BRK1: variants seen among roughly 807,000 people sequenced by gnomAD.
BRK1 encodes BRICK1 subunit of SCAR/WAVE actin nucleating complex, also known as protein BRICK1.
A neutral mutation model predicts 9.9 loss-of-function variants in BRK1; 6 were observed. The ratio of observed to expected loss-of-function variants is 0.60; its 90% confidence interval spans 0.33 to 1.19. The LOEUF is 1.19. Among genes scored for constraint, BRK1 ranks in the 50% most tolerant of loss-of-function variants. The pLI is 0.04. For missense variants in BRK1, 62 were observed against 97.5 expected, an observed-to-expected ratio of 0.64 and a Z score of 1.53; for synonymous variants, 44 against 31.9, an observed-to-expected ratio of 1.38 and a Z score of -1.28.
intron 1 of BRK1, among the ~76,000 whole-genome samples, chr3:10,117,109 G>A (rs1294957365): frequency 6.6e-6 from 1 of 152,114 alleles, no homozygotes; most frequent in Non-Finnish European, 1.5e-5. Flanking sequence ...AATTAGTTGG[G>A]CATGGTCATG....
intron 1 of BRK1, among the ~76,000 whole-genome samples, chr3:10,118,418 C>G (rs1339440509): frequency 6.6e-6 from 1 of 152,034 alleles, no homozygotes; most frequent in Non-Finnish European, 1.5e-5. Flanking sequence ...TTTTCCCATC[C>G]TAAGCCATTA....
chr3:10,116,205 C>T (rs900683998), intron 1 of BRK1, among the ~76,000 whole-genome samples: 4 of 152,212 alleles, frequency 2.6e-5, no homozygotes, highest in African/African-American at 9.6e-5. Context: ...GACCGTGTCA[C>T]TCCTCTGTTT....
At chr3:10,121,646 A>T (rs1302127447) in intron 1 of BRK1, among the ~76,000 whole-genome samples, 1 of 152,166 alleles carries the variant, frequency 6.6e-6, no homozygotes, top group East Asian at 1.9e-4. Context: ...GGTGAAACAG[A>T]CATGTAAATA....
chr3:10,117,393 CTTTT>C (rs756307171), intron 1 of BRK1, among the ~76,000 whole-genome samples: 4 of 118,636 alleles, frequency 3.4e-5, no homozygotes, highest in Admixed American at 1.7e-4. Flanking sequence ...TCAACAAATT[CTTTT>C]TTTTTTTTTT....
intron 1 of BRK1, among the ~76,000 whole-genome samples, chr3:10,124,822 A>T (rs1359580242): frequency 6.6e-6 from 1 of 152,152 alleles, no homozygotes; most frequent in Non-Finnish European, 1.5e-5. Flanking sequence ...CAGCTTCTAA[A>T]GGTCACTTAC....
At chr3:10,124,497 G>A (rs1695809937) in intron 1 of BRK1, among the ~76,000 whole-genome samples, 2 of 151,742 alleles carry the variant, frequency 1.3e-5, no homozygotes, top group Admixed American at 6.6e-5. Flanking sequence ...CACACATTTT[G>A]TGGCTTAAAC....
intron 1 of BRK1, among the ~76,000 whole-genome samples, chr3:10,118,842 C>T (rs938178767): frequency 6.6e-6 from 1 of 152,058 alleles, no homozygotes; most frequent in Non-Finnish European, 1.5e-5. Context: ...CTCCTGCCTC[C>T]CCTTCCACCT....
chr3:10,119,972 A>T (rs1055607327), intron 1 of BRK1, among the ~76,000 whole-genome samples: 1 of 152,170 alleles, frequency 6.6e-6, no homozygotes, highest in Non-Finnish European at 1.5e-5. Flanking sequence ...CTCCTAAGAC[A>T]TTCAGAATTT....
intron 1 of BRK1, among the ~76,000 whole-genome samples, chr3:10,121,694 C>T (rs911753185): frequency 7.9e-5 from 12 of 151,818 alleles, no homozygotes; most frequent in Admixed American, 4.6e-4. Context: ...CATTTGGTTT[C>T]GTAACATGAA....
At chr3:10,121,730 C>T (rs1695757963) in intron 1 of BRK1, among the ~76,000 whole-genome samples, 1 of 142,442 alleles carries the variant, frequency 7.0e-6, no homozygotes, top group African/African-American at 3.0e-5. Flanking sequence ...TTAAATATTC[C>T]TCAAACTTTT....
chr3:10,117,497 G>T (rs886963377), intron 1 of BRK1, among the ~76,000 whole-genome samples: 1 of 146,746 alleles, frequency 6.8e-6, no homozygotes, highest in African/African-American at 2.5e-5. Flanking sequence ...GGATTCAAAT[G>T]ATTCTCATGC....
rs1369436205 is a variant in BRK1, at chr3:10,125,715, T to C, written c.201+7T>C. On this transcript the variant is annotated splice_region_variant and intron_variant, in intron 2 of 2. Transcript: ENST00000530758. ...AGAGTACATTGAAGCTCGGGTGAGTTTGATGGGCAAGGGCATTCCAGAGAG... is the reference window on the plus strand; with the variant it reads ...AGAGTACATTGAAGCTCGGGTGAGTCTGATGGGCAAGGGCATTCCAGAGAG... The C allele has an allele frequency of 2.5e-5, 40 of 1,601,760 alleles. No individual in the cohort carries two copies. The highest frequency in any genetic ancestry group is 3.3e-5 in the Non-Finnish European group (39 of 1,171,348).
intron 1 of BRK1, among the ~76,000 whole-genome samples, chr3:10,120,934 C>G (rs1301982945): frequency 2.0e-5 from 3 of 152,136 alleles, no homozygotes; most frequent in African/African-American, 7.2e-5. Flanking sequence ...AATATTCATG[C>G]TCTTACTCAG....
intron 1 of BRK1, among the ~76,000 whole-genome samples, chr3:10,124,608 T>C (rs75849393): frequency 0.025 from 3,860 of 152,302 alleles, 61 homozygotes; most frequent in Middle Eastern, 0.065. Flanking sequence ...CACCTTGGCC[T>C]TCTGAAGTAT....
chr3:10,122,146 A>G (rs1298724926), intron 1 of BRK1, among the ~76,000 whole-genome samples: 3 of 139,848 alleles, frequency 2.1e-5, no homozygotes, highest in South Asian at 2.3e-4. Context: ...TTTGTCTTGA[A>G]CTCCGACCTC....
intron 1 of BRK1, among the ~76,000 whole-genome samples, chr3:10,123,452 T>TTTTTTC (rs1695786236): frequency 6.6e-6 from 1 of 151,328 alleles, no homozygotes; most frequent in African/African-American, 2.4e-5. Context: ...TTTTTTTTTT[T>TTTTTTC]TGAGACGGAG....
At chr3:10,120,118 C>T (rs1002818711) in intron 1 of BRK1, among the ~76,000 whole-genome samples, 1 of 152,096 alleles carries the variant, frequency 6.6e-6, no homozygotes. Context: ...CAACCTCCGC[C>T]TCCCGGGTTC....
chr3:10,120,474 T>A (rs1308839399), intron 1 of BRK1, among the ~76,000 whole-genome samples: 1 of 152,128 alleles, frequency 6.6e-6, no homozygotes, highest in Non-Finnish European at 1.5e-5. Flanking sequence ...GGATTACAGG[T>A]GTGAACCACC....
chr3:10,117,893 G>A (rs865975670), intron 1 of BRK1, among the ~76,000 whole-genome samples: 18 of 152,174 alleles, frequency 1.2e-4, no homozygotes, highest in Admixed American at 3.9e-4. Flanking sequence ...ATACAACTAA[G>A]TAAGAAGAGA....
Sources: gnomAD v4.1 joint callset for allele counts (sites outside exome capture counted in the v4.1 genomes callset) on GRCh38, gnomAD v4.1.1 for gene constraint, MANE v1.5 for transcripts, NCBI Gene and HGNC (gene_info 2026-07-23, HGNC 2026-07-21) for gene names.